The following ZNF396 variants were observed in gnomAD, a reference collection of about 807,000 sequenced individuals.
ZNF396 encodes the protein zinc finger protein 396, also known as zinc finger and SCAN domain-containing protein 14.
Under a neutral mutation model 20.5 loss-of-function variants are expected in ZNF396, and 14 were observed. That is an observed-to-expected ratio of 0.68 (90% CI 0.45 to 1.07). The LOEUF is 1.07. ZNF396 is among the 50% of genes least tolerant of loss of function. The probability of loss-of-function intolerance (pLI) is 0.00; values close to 1 mark genes in which losing one functional copy is unlikely to be tolerated. For synonymous variants in ZNF396, 119 were observed against 140.6 expected (o/e 0.85, Z 1.08); for missense variants, 347 against 390.1 (o/e 0.89, Z 0.93).
chr18:35,374,144 G>C lies in ZNF396; in HGVS notation c.149C>G (p.Thr50Ser). The C allele has an allele frequency of 6.2e-7, 1 of 1,614,252 alleles. No individual in the cohort carries two copies. The highest frequency in any genetic ancestry group is 8.5e-7 in the Non-Finnish European group (1 of 1,180,052). ...AAACTGCCTGAATTGCTGGCGGAAG[G>C]TCTCTGGGCTGTAGCTGCTGCTCCA... ...LHWSSSYSPETFRQQFRQFGY... is the reference protein window; with the variant it reads ...LHWSSSYSPESFRQQFRQFGY... The change falls in exon 2 of 4, where the codon ACC (threonine) becomes AGC (serine). Residue 50 changes from threonine (T) to serine (S), a missense_variant. Transcript: ENST00000589332. The surrounding 1 kb of genome is among the most constrained non-coding windows in gnomAD (Gnocchi z 4.3).
At position 35,367,772 on chromosome 18, in the gene ZNF396, G is replaced by T. The variant is rs781065360; in HGVS notation, c.*1443C>A. 1 of 152,154 alleles carries T rather than the reference G, an allele frequency of 6.6e-6. No individual in the cohort carries two copies. The highest frequency in any genetic ancestry group is 1.5e-5 in the Non-Finnish European group (1 of 68,020). 9.4% of individuals were successfully genotyped at this position (152,154 alleles called of 1,614,324 possible). ...AAAACTTATAAACTATAATGGTTAGGTTCAACAATTGTTTATAAGGGACTG... is the reference window on the plus strand; with the variant it reads ...AAAACTTATAAACTATAATGGTTAGTTTCAACAATTGTTTATAAGGGACTG... On this transcript the variant is annotated 3_prime_UTR_variant, in exon 4 of 4. Transcript: ENST00000589332.
intron 1 of ZNF396, chr18:35,376,071 G>T (rs190231199): frequency 6.6e-6 from 1 of 152,260 alleles, no homozygotes; most frequent in African/African-American, 2.4e-5. Flanking sequence ...TGGGCAGGAG[G>T]TATATGATAG....
intron 1 of ZNF396, among the ~76,000 whole-genome samples, chr18:35,377,070 G>C (rs953224986): frequency 6.6e-6 from 1 of 152,158 alleles, no homozygotes; most frequent in African/African-American, 2.4e-5. Context: ...CGCCGGGGAA[G>C]GACGAGGGGA....
chr18:35,372,031 T>C (rs2045188018), intron 3 of ZNF396: 1 of 152,196 alleles, frequency 6.6e-6, no homozygotes, highest in Non-Finnish European at 1.5e-5. Flanking sequence ...ACAGAAATCA[T>C]GTTGTGGCCT....
chr18:35,367,474 T>C lies in ZNF396; in HGVS notation c.*1741A>G, dbSNP rs2045111299. On this transcript the variant is annotated 3_prime_UTR_variant, in exon 4 of 4. Coordinates refer to ENST00000589332, the MANE Select transcript of ZNF396 (RefSeq NM_001322286.2). ...AGTTTACTATGAGTCTCTTCCCTTATTCCAAGGACTTTGATTTCTGATGTT... is the reference window on the plus strand; with the variant it reads ...AGTTTACTATGAGTCTCTTCCCTTACTCCAAGGACTTTGATTTCTGATGTT... 6.6e-6 allele frequency: 1 copy of C among 152,216 alleles called. No individual in the cohort carries two copies. Among genetic ancestry groups the C allele is most frequent in the Non-Finnish European group, 1.5e-5 (1 of 68,032 alleles). The allele number at this position is 152,216 out of a possible 1,614,324, so 9.4% of individuals were successfully genotyped here.
chr18:35,368,291 ATTAAC>A lies in ZNF396; in HGVS notation c.*919_*923del, dbSNP rs2045120968. 2 of 977,888 alleles carry A rather than the reference ATTAAC, an allele frequency of 2.0e-6. No individual in the cohort carries two copies. Among genetic ancestry groups the A allele is most frequent in the Non-Finnish European group, 2.9e-6 (2 of 698,676 alleles). 60.6% of individuals were successfully genotyped at this position (977,888 alleles called of 1,614,324 possible). ...AGATTATTTTTTTCCAACACGGGAA[ATTAAC>A]TTGATATTAATAGTATGGAGGCTCT... On this transcript the variant is annotated 3_prime_UTR_variant, in exon 4 of 4. Coordinates refer to ENST00000589332, the MANE Select transcript of ZNF396 (RefSeq NM_001322286.2).
chr18:35,373,757 T>G, intron 2 of ZNF396, 119 bp downstream of exon 2: 1 of 1,496,818 alleles, frequency 6.7e-7, no homozygotes, highest in Non-Finnish European at 9.0e-7. Flanking sequence ...CATTAGTACT[T>G]TCACCCCTAT....
Position 35,375,804 on chromosome 18 carries a change from G to A in ZNF396, c.-72-1440C>T, listed in dbSNP as rs377305033. ...GTTGCCCAGGCTGGAGTACAATGGCGGGATCTTGGCTCACTGCAACCTCTG... is the reference window on the plus strand; with the variant it reads ...GTTGCCCAGGCTGGAGTACAATGGCAGGATCTTGGCTCACTGCAACCTCTG... On this transcript the variant is annotated intron_variant, in intron 1 of 3. Transcript: ENST00000589332. Among the ~76,000 whole-genome samples, 11 of 152,172 alleles carry A rather than the reference G, an allele frequency of 7.2e-5. 1 individual carries two copies. Among genetic ancestry groups the A allele is most frequent in the Admixed American group, 2.0e-4 (3 of 15,296 alleles).
intron 1 of ZNF396, among the ~76,000 whole-genome samples, chr18:35,375,667 TG>T (rs144071775): frequency 6.6e-6 from 1 of 151,886 alleles, no homozygotes; most frequent in Admixed American, 6.6e-5. Flanking sequence ...GCAACAAAGT[TG>T]GGGGGGGACG....
chr18:35,368,606 C>T lies in ZNF396; in HGVS notation c.*609G>A, dbSNP rs555956162. 8.8e-5 allele frequency: 44 copies of T among 500,016 alleles called. No individual in the cohort carries two copies. The highest frequency in any genetic ancestry group is 3.5e-4 in the South Asian group (4 of 11,464). The allele number at this position is 500,016 out of a possible 1,614,324, so 31.0% of individuals were successfully genotyped here. ...AGCTGGGATTACAGGTACACGTTGC[C>T]ATGCCTGGCTAATTTTTTGAATTTT... On this transcript the variant is annotated 3_prime_UTR_variant, in exon 4 of 4. Transcript: ENST00000589332.
rs56036260 is a variant in ZNF396 at position 35,368,482 on chromosome 18, TTTTA to T, written c.*729_*732del. 1.5e-3 allele frequency: 509 copies of T among 339,140 alleles called. 3 individuals carry two copies. The highest frequency in any genetic ancestry group is 3.6e-3 in the Middle Eastern group (4 of 1,116). 21.0% of individuals were successfully genotyped at this position (339,140 alleles called of 1,614,324 possible). On this transcript the variant is annotated 3_prime_UTR_variant, in exon 4 of 4. Transcript: ENST00000589332. Reference sequence around the variant, plus strand: ...AGACAAAATAGGAATTTATTTTTATTTTTATTTATTTATTTATTTATTTATTTAT... The same window carrying T: ...AGACAAAATAGGAATTTATTTTTATTTTTATTTATTTATTTATTTATTTAT...
intron 1 of ZNF396, among the ~76,000 whole-genome samples, chr18:35,376,943 A>T (rs2045266420): frequency 6.6e-6 from 1 of 151,966 alleles, no homozygotes; most frequent in Admixed American, 6.5e-5. Context: ...CTGGCTTCCG[A>T]CCATCTCCCG....
intron 3 of ZNF396, among the ~76,000 whole-genome samples, chr18:35,371,138 T>C (rs1217995943): frequency 6.6e-6 from 1 of 152,176 alleles, no homozygotes; most frequent in Non-Finnish European, 1.5e-5. Context: ...AGAATTTACT[T>C]AAAATGGATC....
intron 1 of ZNF396, among the ~76,000 whole-genome samples, chr18:35,375,226 C>A (rs928619451): frequency 1.7e-4 from 25 of 151,282 alleles, no homozygotes; most frequent in African/African-American, 5.8e-4. Flanking sequence ...GGGAGGATCA[C>A]CTGAGCCCAG....
At chr18:35,370,964 T>C (rs2045171254) in intron 3 of ZNF396, among the ~76,000 whole-genome samples, 1 of 152,126 alleles carries the variant, frequency 6.6e-6, no homozygotes, top group Non-Finnish European at 1.5e-5. Context: ...AGTAATTATA[T>C]AAATAAGATT....
chr18:35,369,373 A>G lies in ZNF396; in HGVS notation c.850T>C (p.Cys284Arg). Residue 284 changes from cysteine to arginine, a missense_variant, in exon 4 of 4, where the codon TGT becomes CGT. Cys to Arg is a radical substitution (Grantham distance 180, BLOSUM62 -3). Coordinates refer to ENST00000589332, the MANE Select transcript of ZNF396 (RefSeq NM_001322286.2). ...GCGCTTCGGCTGAATGCCTTTGCACACTCGTCACATGCATAAGGTTTCTTT... is the reference window on the plus strand; with the variant it reads ...GCGCTTCGGCTGAATGCCTTTGCACGCTCGTCACATGCATAAGGTTTCTTT... ...SGKKPYACDE[C>R]AKAFSRSAIL... 1.9e-6 allele frequency: 3 copies of G among 1,614,194 alleles called. No individual in the cohort carries two copies. The highest frequency in any genetic ancestry group is 1.3e-5 in the African/African-American group (1 of 75,044).
intron 3 of ZNF396, among the ~76,000 whole-genome samples, chr18:35,371,120 T>C (rs927846096): frequency 1.3e-5 from 2 of 152,176 alleles, no homozygotes; most frequent in Admixed American, 1.3e-4. Context: ...GTTGTTGTTT[T>C]ACTCTTTAGA....
intron 3 of ZNF396, 58 bp downstream of exon 3, chr18:35,373,398 G>C (rs1305878985): frequency 6.4e-7 from 1 of 1,571,710 alleles, no homozygotes; most frequent in Non-Finnish European, 8.6e-7. Context: ...GCTGAGATGT[G>C]TGTGGTGAGC....
rs142355654 is a variant in ZNF396, at chr18:35,368,937, G to T, written c.*278C>A. 2.4e-5 allele frequency: 29 copies of T among 1,210,436 alleles called. No individual in the cohort carries two copies. The highest frequency in any genetic ancestry group is 4.0e-5 in the Admixed American group (1 of 25,134). The allele number at this position is 1,210,436 out of a possible 1,614,324, so 75.0% of individuals were successfully genotyped here. On this transcript the variant is annotated 3_prime_UTR_variant, in exon 4 of 4. Transcript: ENST00000589332. ...ATATGTGTTAATAATGAAAATAGTA[G>T]AACATGTCTGAGAATGCCTTTTCAA...
Sources: allele counts gnomAD v4.1 joint callset (sites outside exome capture counted in the v4.1 genomes callset), GRCh38; gene constraint gnomAD v4.1.1; non-coding constraint Gnocchi (gnomAD v3.1); transcripts MANE v1.5; gene names NCBI Gene and HGNC (gene_info 2026-07-23, HGNC 2026-07-21).